The following ADAMTS20 variants were observed in gnomAD, a reference collection of about 807,000 sequenced individuals.
ADAMTS20 encodes the protein A disintegrin and metalloproteinase with thrombospondin motifs 20.
A neutral mutation model predicts 260.1 loss-of-function variants in ADAMTS20; 225 were observed. The ratio of observed to expected loss-of-function variants is 0.87; its 90% CI spans 0.78 to 0.97. The LOEUF is 0.97. ADAMTS20 is among the 50% of genes least tolerant of loss of function. The probability of loss-of-function intolerance (pLI) is 0.00; values close to 1 mark genes in which losing one functional copy is unlikely to be tolerated. For synonymous variants in ADAMTS20, 802 were observed against 769.5 expected (o/e 1.04, Z -0.70); for missense variants, 2,400 against 2,337.7 (o/e 1.03, Z -0.55).
intron 7 of ADAMTS20, among the ~76,000 whole-genome samples, chr12:43,481,336 A>G (rs1234135416): frequency 2.0e-5 from 3 of 152,048 alleles, no homozygotes; most frequent in Non-Finnish European, 2.9e-5. Context: ...TAAAACATGT[A>G]TCATTTTTTA....
At chr12:43,450,724 AT>A (rs1941849529) in intron 14 of ADAMTS20, among the ~76,000 whole-genome samples, 1 of 151,988 alleles carries the variant, frequency 6.6e-6, no homozygotes, top group African/African-American at 2.4e-5. Flanking sequence ...ATTTTTAATT[AT>A]TTTTTATCTT....
At chr12:43,356,953 T>C (rs1939759567) in intron 37 of ADAMTS20, among the ~76,000 whole-genome samples, 1 of 152,200 alleles carries the variant, frequency 6.6e-6, no homozygotes, top group South Asian at 2.1e-4. Flanking sequence ...ACTTCTTAAC[T>C]CACCACACAA....
intron 29 of ADAMTS20, among the ~76,000 whole-genome samples, chr12:43,393,057 C>T (rs960972258): frequency 6.6e-6 from 1 of 151,930 alleles, no homozygotes; most frequent in Non-Finnish European, 1.5e-5. Context: ...TTAGATATGT[C>T]AAAGGCACCT....
intron 29 of ADAMTS20, among the ~76,000 whole-genome samples, chr12:43,390,870 T>G (rs996475391): frequency 6.6e-6 from 1 of 152,242 alleles, no homozygotes; most frequent in African/African-American, 2.4e-5. Flanking sequence ...TTTTCTAGCA[T>G]GCATTTCAAA....
chr12:43,400,387 A>G (rs996475781), intron 28 of ADAMTS20, among the ~76,000 whole-genome samples: 1 of 152,044 alleles, frequency 6.6e-6, no homozygotes, highest in African/African-American at 2.4e-5. Flanking sequence ...TAAAAAATGA[A>G]CAGTCTGGAG....
Position 43,430,379 on chromosome 12 carries a change from A to G in ADAMTS20, c.3354T>C (p.His1118=), listed in dbSNP as rs1480678750. The G allele has an allele frequency of 3.1e-6, 5 of 1,612,496 alleles. No homozygotes were observed. The highest frequency in any genetic ancestry group is 4.2e-6 in the Non-Finnish European group (5 of 1,179,026). Residue 1118 remains histidine, a synonymous_variant, in exon 23 of 39, where the codon CAT becomes CAC. Transcript: ENST00000389420. ...ASAVLEDTEC[H]EASRPSDRQS... ...GTCTGTCACTGGGGCGACTAGCTTC[A>G]TGGCATTCTGTGTCCTCTAACACTG... is the stretch of plus-strand genomic sequence containing the variant.
chr12:43,442,302 G>A (rs527864804), intron 16 of ADAMTS20, among the ~76,000 whole-genome samples: 278 of 149,686 alleles, frequency 1.9e-3, no homozygotes, highest in African/African-American at 6.4e-3. Context: ...TTGTTGCCCA[G>A]GCTGGAGTGC....
At chr12:43,500,034 CTTT>C (rs10706892) in intron 4 of ADAMTS20, among the ~76,000 whole-genome samples, 2 of 147,692 alleles carry the variant, frequency 1.4e-5, no homozygotes. Context: ...TTCCTTATTG[CTTT>C]TTTTTTTTTG....
At chr12:43,523,632 G>T (rs1943101413) in intron 3 of ADAMTS20, among the ~76,000 whole-genome samples, 1 of 152,136 alleles carries the variant, frequency 6.6e-6, no homozygotes, top group Non-Finnish European at 1.5e-5. Context: ...CTTGCCAAGT[G>T]CACAGGAGCT....
At chr12:43,510,434 A>G (rs1466096785) in intron 3 of ADAMTS20, among the ~76,000 whole-genome samples, 1 of 151,890 alleles carries the variant, frequency 6.6e-6, no homozygotes, top group Non-Finnish European at 1.5e-5. Context: ...TTGGCTAAAT[A>G]TCTAATCTCA....
At chr12:43,398,209 A>T (rs953700004) in intron 29 of ADAMTS20, among the ~76,000 whole-genome samples, 7 of 152,156 alleles carry the variant, frequency 4.6e-5, no homozygotes, top group Non-Finnish European at 1.0e-4. Context: ...TCCTCAGGAA[A>T]TTATTCCAGT....
intron 29 of ADAMTS20, among the ~76,000 whole-genome samples, chr12:43,391,947 G>T (rs1003327354): frequency 6.6e-6 from 1 of 152,072 alleles, no homozygotes; most frequent in African/African-American, 2.4e-5. Context: ...ACTTCAAAGA[G>T]AATTTTTGTT....
intron 3 of ADAMTS20, among the ~76,000 whole-genome samples, chr12:43,530,283 T>G (rs1463767490): frequency 6.6e-6 from 1 of 152,146 alleles, no homozygotes; most frequent in Non-Finnish European, 1.5e-5. Flanking sequence ...GTGGTTTTCT[T>G]CTTAAGAAGC....
chr12:43,355,122 C>A (rs1939716892), intron 38 of ADAMTS20, among the ~76,000 whole-genome samples: 1 of 152,104 alleles, frequency 6.6e-6, no homozygotes, highest in Admixed American at 6.6e-5. Flanking sequence ...GTTCTTGGGA[C>A]ATTTTGAGAT....
rs1026039885 is a variant in ADAMTS20 at position 43,516,969 on chromosome 12, T to TA, written c.614-14565dup. On this transcript the variant is annotated intron_variant, in intron 3 of 38. Coordinates refer to ENST00000389420, the MANE Select transcript of ADAMTS20 (RefSeq NM_025003.5). ...AAATATGTATATTTATATATCTATA[T>TA]AATCATCTTGGTACATGCAGGGAAA... Among the ~76,000 whole-genome samples the TA allele has an allele frequency of 8.5e-5, 13 of 152,194 alleles. No individual in the cohort carries two copies. In the South Asian group the frequency reaches 1.2e-3, roughly 15 times the overall value.
intron 32 of ADAMTS20, 40 bp from the exon 33 acceptor site, chr12:43,376,693 A>G (rs1940237810): frequency 6.3e-7 from 1 of 1,578,102 alleles, no homozygotes; most frequent in African/African-American, 1.4e-5. Flanking sequence ...CTATATTATG[A>G]ATCTTAAGGC....
intron 37 of ADAMTS20, among the ~76,000 whole-genome samples, chr12:43,364,623 C>T (rs986558787): frequency 6.6e-6 from 1 of 151,892 alleles, no homozygotes; most frequent in East Asian, 1.9e-4. Context: ...TCTACTGGAG[C>T]TAGTAGAATT....
At chr12:43,357,065 T>C (rs1284715696) in intron 37 of ADAMTS20, among the ~76,000 whole-genome samples, 1 of 152,174 alleles carries the variant, frequency 6.6e-6, no homozygotes, top group Non-Finnish European at 1.5e-5. Context: ...CACATTATGG[T>C]GTGTGGGTCC....
chr12:43,432,154 C>T (rs1314051156), intron 21 of ADAMTS20, 150 bp downstream of exon 21: 3 of 894,482 alleles, frequency 3.4e-6, no homozygotes, highest in South Asian at 1.9e-5. Context: ...TGTGCCTGGC[C>T]TGTCTTATAA....
Sources: allele counts gnomAD v4.1 joint callset (sites outside exome capture counted in the v4.1 genomes callset), GRCh38; gene constraint gnomAD v4.1.1; transcripts MANE v1.5; gene names NCBI Gene and HGNC (gene_info 2026-07-23, HGNC 2026-07-21).